TRNAU1AP: variants seen among roughly 807,000 people sequenced by gnomAD.
TRNAU1AP encodes the protein tRNA selenocysteine 1-associated protein 1.
TRNAU1AP carries 33 observed loss-of-function variants against 43.3 expected under a neutral mutation model. The observed-to-expected ratio is 0.76, with a 90% CI of 0.58 to 1.02. The LOEUF is 1.02. Ranked by LOEUF, TRNAU1AP falls within the 50% of genes least tolerant of loss-of-function variation. The probability of loss-of-function intolerance (pLI) is 0.00; values close to 1 mark genes in which losing one functional copy is unlikely to be tolerated. For synonymous variants in TRNAU1AP, 143 were observed against 129.1 expected, an observed-to-expected ratio of 1.11 and a Z score of -0.73; for missense variants, 290 against 362.7, an observed-to-expected ratio of 0.80 and a Z score of 1.63.
At chr1:28,566,518 C>T (rs764512758) in intron 5 of TRNAU1AP, among the ~76,000 whole-genome samples, 2 of 150,590 alleles carry the variant, frequency 1.3e-5, no homozygotes, top group African/African-American at 2.4e-5. Context: ...TTTGGGAGGC[C>T]GAGGCGGGTG....
chr1:28,560,993 T>C (rs1665393103), intron 3 of TRNAU1AP: 2 of 1,244,462 alleles, frequency 1.6e-6, no homozygotes, highest in African/African-American at 3.0e-5. Flanking sequence ...CCATTCTGCA[T>C]TGCTGCCTCC....
chr1:28,577,546 G>A lies in TRNAU1AP; in HGVS notation c.774G>A (p.Met258Ile). 2 of 1,614,138 alleles carry A rather than the reference G, an allele frequency of 1.2e-6. No homozygotes were observed. The highest frequency in any genetic ancestry group is 1.3e-5 in the African/African-American group (1 of 75,034). Reference sequence around the variant, plus strand: ...TGACTGAGGCCAACAAGGAGTTCATGGAACAGAGTGAGGAGCTGTATGACG... The same window carrying A: ...TGACTGAGGCCAACAAGGAGTTCATAGAACAGAGTGAGGAGCTGTATGACG... ...LDVTEANKEFMEQSEELYDAL... is the reference protein window; with the variant it reads ...LDVTEANKEFIEQSEELYDAL... The change falls in exon 9 of 9, where the codon ATG becomes ATA. Residue 258 changes from methionine to isoleucine, a missense_variant. By Grantham distance (10) the Met-to-Ile change is conservative (BLOSUM62 1). Around this residue, in one of 3 missense-constraint regions of TRNAU1AP, gnomAD observed 57 missense variants for 55.1 expected, o/e 1.03. Transcript: ENST00000373830.
intron 3 of TRNAU1AP, chr1:28,561,123 T>TA (rs1431413913): frequency 1.4e-6 from 2 of 1,405,600 alleles, no homozygotes; most frequent in African/African-American, 1.4e-5. Context: ...TTACTTAGCT[T>TA]ACAGCTGCAC....
rs1665669836 is a variant in TRNAU1AP, at chr1:28,571,907, G to A, written c.727+7G>A. On this transcript the variant is annotated splice_region_variant and intron_variant, in intron 8 of 8. Coordinates refer to ENST00000373830, the MANE Select transcript of TRNAU1AP (RefSeq NM_017846.5). ...GGAGATGATGCATTGGAAGGTAAGG[G>A]TTCATACGTTCCTTACTCTGTCAGC... The A allele has an allele frequency of 1.2e-6, 2 of 1,611,550 alleles. No individual in the cohort carries two copies. The highest frequency in any genetic ancestry group is 8.5e-7 in the Non-Finnish European group (1 of 1,177,770).
intron 4 of TRNAU1AP, among the ~76,000 whole-genome samples, chr1:28,564,434 A>G (rs1238482990): frequency 6.6e-6 from 1 of 152,172 alleles, no homozygotes; most frequent in Non-Finnish European, 1.5e-5. Flanking sequence ...CCTTAGATGC[A>G]CTTCTGACCC....
chr1:28,563,352 A>C (rs1262588637), intron 4 of TRNAU1AP, among the ~76,000 whole-genome samples: 1 of 151,862 alleles, frequency 6.6e-6, no homozygotes, highest in Non-Finnish European at 1.5e-5. Context: ...GTTTGAGGCC[A>C]GCCTGACCAA....
At chr1:28,572,735 C>T (rs1056053880) in intron 8 of TRNAU1AP, among the ~76,000 whole-genome samples, 13 of 151,242 alleles carry the variant, frequency 8.6e-5, no homozygotes, top group African/African-American at 1.7e-4. Context: ...GAAATCGAGA[C>T]CATCCTGGCT....
chr1:28,573,957 T>C (rs1665719063), intron 8 of TRNAU1AP, among the ~76,000 whole-genome samples: 1 of 151,378 alleles, frequency 6.6e-6, no homozygotes, highest in South Asian at 2.1e-4. Flanking sequence ...AACAACAGTA[T>C]TTACTGTCTA....
intron 5 of TRNAU1AP, among the ~76,000 whole-genome samples, chr1:28,566,588 T>C (rs1158941855): frequency 6.6e-6 from 1 of 151,420 alleles, no homozygotes; most frequent in Non-Finnish European, 1.5e-5. Flanking sequence ...CTGTCTCTAC[T>C]AAAAAAATAA....
intron 6 of TRNAU1AP, among the ~76,000 whole-genome samples, chr1:28,568,202 A>G (rs1332693411): frequency 6.6e-6 from 1 of 152,102 alleles, no homozygotes; most frequent in Non-Finnish European, 1.5e-5. Flanking sequence ...TCTACAGAAC[A>G]TTATATACTT....
In TRNAU1AP at chr1:28,557,412, T is replaced by G. The variant is rs1234261150; in HGVS notation, c.126-3221T>G. ...TCCAGCCTGGGCGACAAAGTGAGAC[T>G]CTGTCTCAAAAAAAAGAAAAGAAAT... is the stretch of plus-strand genomic sequence containing the variant. On this transcript the variant is annotated intron_variant, in intron 2 of 8. Coordinates refer to ENST00000373830, the MANE Select transcript of TRNAU1AP (RefSeq NM_017846.5). 2.7e-5 allele frequency among the ~76,000 whole-genome samples: 4 copies of G among 148,768 alleles called. No homozygotes were observed. In the East Asian group the frequency reaches 8.2e-4, roughly 30 times the overall value.
At chr1:28,569,446 C>A (rs957400232) in intron 6 of TRNAU1AP, among the ~76,000 whole-genome samples, 2 of 152,062 alleles carry the variant, frequency 1.3e-5, no homozygotes, top group Admixed American at 1.3e-4. Flanking sequence ...AATCCCAGCA[C>A]TTTGGGAGGC....
Position 28,567,366 on chromosome 1 carries a change from G to A in TRNAU1AP, c.483G>A (p.Val161=). The part of the protein sequence containing the change: ...KRALTECQGA[V]GLGSKPVRLS... ...CCCTGACGGAGTGCCAGGGAGCAGT[G>A]GGACTGGGGTCTAAGCCTGTGCGGC... Residue 161 remains valine (V), a synonymous_variant, in exon 6 of 9, where the codon GTG becomes GTA. Transcript: ENST00000373830. The A allele has an allele frequency of 1.2e-6, 2 of 1,613,954 alleles. No homozygotes were observed. Among genetic ancestry groups the A allele is most frequent in the Non-Finnish European group, 1.7e-6 (2 of 1,179,974 alleles).
chr1:28,561,516 T>C, intron 4 of TRNAU1AP, 118 bp downstream of exon 4: 1 of 1,128,078 alleles, frequency 8.9e-7, no homozygotes, highest in Non-Finnish European at 1.3e-6. Flanking sequence ...GACGACGCTC[T>C]TCTCCCTTCC....
intron 5 of TRNAU1AP, chr1:28,565,486 A>T (rs1419959459): frequency 7.4e-6 from 1 of 134,822 alleles, no homozygotes; most frequent in African/African-American, 2.7e-5. Context: ...CTCTGTCTCC[A>T]TAAAAAAAAA....
At chr1:28,567,781 A>G (rs1435471703) in intron 6 of TRNAU1AP, among the ~76,000 whole-genome samples, 1 of 152,152 alleles carries the variant, frequency 6.6e-6, no homozygotes, top group African/African-American at 2.4e-5. Flanking sequence ...AGGGGAAAAA[A>G]TTACTTCCAT....
chr1:28,570,851 G>A (rs1023456232), intron 6 of TRNAU1AP, among the ~76,000 whole-genome samples: 7 of 152,068 alleles, frequency 4.6e-5, no homozygotes, highest in African/African-American at 1.7e-4. Flanking sequence ...GGATCACGAG[G>A]TCAGGAGATC....
chr1:28,573,099 A>G (rs985279841), intron 8 of TRNAU1AP, among the ~76,000 whole-genome samples: 3 of 146,426 alleles, frequency 2.0e-5, no homozygotes, highest in African/African-American at 5.0e-5. Flanking sequence ...CAGTGGCGCA[A>G]TCTCATCTCA....
chr1:28,553,295 G>A (rs1665175947), intron 1 of TRNAU1AP, 158 bp downstream of exon 1: 11 of 901,184 alleles, frequency 1.2e-5, no homozygotes, highest in Non-Finnish European at 1.8e-5. Context: ...CAGCATCTAA[G>A]TGAAGAGGCT....
Sources: allele counts gnomAD v4.1 joint callset (sites outside exome capture counted in the v4.1 genomes callset), GRCh38; gene constraint gnomAD v4.1.1; regional missense constraint gnomAD v4.1.1; transcripts MANE v1.5; gene names NCBI Gene and HGNC (gene_info 2026-07-23, HGNC 2026-07-21).